ITGA8: variants seen among roughly 807,000 people sequenced by gnomAD.
ITGA8 encodes the protein integrin alpha-8.
In ITGA8, 91 loss-of-function variants were observed where a neutral mutation model predicts 142.3. The ratio of observed to expected loss-of-function variants is 0.64; its 90% CI spans 0.54 to 0.76. The LOEUF (loss-of-function observed/expected upper bound fraction) is 0.76, where lower values mean the gene tolerates loss of function less well. Ranked by LOEUF, ITGA8 falls within the 30% of genes least tolerant of loss-of-function variation. ITGA8 has a pLI of 0.00. For missense variants in ITGA8, 1,406 were observed against 1,327.7 expected (o/e 1.06, Z -0.92); for synonymous variants, 505 against 485.2 (o/e 1.04, Z -0.54).
chr10:15,605,457 G>A (rs534743668), intron 19 of ITGA8, among the ~76,000 whole-genome samples: 7 of 147,754 alleles, frequency 4.7e-5, no homozygotes, highest in Non-Finnish European at 1.0e-4. Flanking sequence ...CCCCATCAAT[G>A]AGTTTACTTT....
At chr10:15,613,950 CTAAT>C (rs1833348680) in intron 14 of ITGA8, among the ~76,000 whole-genome samples, 183 bp from the exon 15 acceptor site, 1 of 152,176 alleles carries the variant, frequency 6.6e-6, no homozygotes, top group Admixed American at 6.5e-5. Context: ...TCACACTCAA[CTAAT>C]TACCTCAAAA....
intron 28 of ITGA8, among the ~76,000 whole-genome samples, chr10:15,522,891 A>T (rs1833096423): frequency 6.6e-6 from 1 of 152,168 alleles, no homozygotes; most frequent in Non-Finnish European, 1.5e-5. Context: ...AGACACCTGT[A>T]GTCTCAGCCA....
intron 29 of ITGA8, among the ~76,000 whole-genome samples, chr10:15,518,269 G>T (rs1361857894): frequency 1.3e-5 from 2 of 152,178 alleles, no homozygotes; most frequent in Non-Finnish European, 2.9e-5. Context: ...TTGGCTTAGA[G>T]ACATTGAGTC....
At chr10:15,528,944 C>CCCTT (rs560848403) in intron 28 of ITGA8, among the ~76,000 whole-genome samples, 2 of 151,166 alleles carry the variant, frequency 1.3e-5, no homozygotes, top group Non-Finnish European at 3.0e-5. Flanking sequence ...TCTTTCTTCT[C>CCCTT]CCTTCCTTCC....
At position 15,696,439 on chromosome 10, in the gene ITGA8, T is replaced by TA. The variant is rs1286634841; in HGVS notation, c.344-8402dup. On this transcript the variant is annotated intron_variant, in intron 2 of 29. Coordinates refer to ENST00000378076, the MANE Select transcript of ITGA8 (RefSeq NM_003638.3). ...CAATGAGAAAAAGACTAAAATTCAATAGAAAAAAATTTCTAAGGATCCGAA... is the reference window on the plus strand; with the variant it reads ...CAATGAGAAAAAGACTAAAATTCAATAAGAAAAAAATTTCTAAGGATCCGAA... 2.0e-5 allele frequency among the ~76,000 whole-genome samples: 3 copies of TA among 152,048 alleles called. No homozygotes were observed. In the East Asian group the frequency reaches 5.8e-4, roughly 29 times the overall value.
intron 13 of ITGA8, among the ~76,000 whole-genome samples, chr10:15,620,904 T>A (rs1194580469): frequency 2.6e-5 from 4 of 152,252 alleles, no homozygotes; most frequent in Non-Finnish European, 5.9e-5. Flanking sequence ...TGTGAAATGA[T>A]ATTTAAATAA....
At chr10:15,531,173 T>A in intron 27 of ITGA8, 22 bp from the exon 28 acceptor site, 4 of 1,252,090 alleles carry the variant, frequency 3.2e-6, no homozygotes, top group Non-Finnish European at 4.4e-6. Flanking sequence ...AGTATTTATT[T>A]AAATATATTT....
chr10:15,629,423 C>T (rs1180247226), intron 13 of ITGA8, among the ~76,000 whole-genome samples: 3 of 152,018 alleles, frequency 2.0e-5, no homozygotes, highest in Admixed American at 2.0e-4. Context: ...CCCTCTGCCC[C>T]ATTTCATCTA....
At chr10:15,541,268 G>A (rs1396386351) in intron 27 of ITGA8, among the ~76,000 whole-genome samples, 1 of 152,148 alleles carries the variant, frequency 6.6e-6, no homozygotes, top group Non-Finnish European at 1.5e-5. Context: ...AGGCAACATA[G>A]GGTTGCTTGA....
intron 13 of ITGA8, among the ~76,000 whole-genome samples, chr10:15,618,139 C>G (rs1193637750): frequency 2.0e-5 from 3 of 152,244 alleles, no homozygotes; most frequent in Middle Eastern, 3.4e-3. Context: ...TGTTCAATAT[C>G]TGAGTGATGA....
intron 20 of ITGA8, among the ~76,000 whole-genome samples, chr10:15,598,060 A>G (rs1317691678): frequency 6.6e-6 from 1 of 150,446 alleles, no homozygotes; most frequent in Non-Finnish European, 1.5e-5. Flanking sequence ...CCCACCCCTC[A>G]CTCTCTACCC....
At chr10:15,587,164 G>T (rs1190112491) in intron 22 of ITGA8, among the ~76,000 whole-genome samples, 1 of 151,898 alleles carries the variant, frequency 6.6e-6, no homozygotes, top group Non-Finnish European at 1.5e-5. Flanking sequence ...CTCATGATCT[G>T]CCCACCTCAG....
chr10:15,624,385 G>A (rs988839467), intron 13 of ITGA8, among the ~76,000 whole-genome samples: 1 of 152,186 alleles, frequency 6.6e-6, no homozygotes, highest in African/African-American at 2.4e-5. Context: ...AGATGAGAAG[G>A]GCAAGAGCTC....
intron 13 of ITGA8, among the ~76,000 whole-genome samples, chr10:15,641,039 C>G (rs1043862414): frequency 6.6e-6 from 1 of 152,132 alleles, no homozygotes; most frequent in Non-Finnish European, 1.5e-5. Flanking sequence ...GGGAGGGTAG[C>G]TACACAGGGT....
chr10:15,649,905 A>G (rs906449002), intron 11 of ITGA8, among the ~76,000 whole-genome samples: 2 of 152,214 alleles, frequency 1.3e-5, no homozygotes, highest in African/African-American at 4.8e-5. Context: ...AATGCTAAAC[A>G]TAGGCTTACC....
chr10:15,678,324 A>G (rs1834670964), intron 5 of ITGA8, among the ~76,000 whole-genome samples: 1 of 152,190 alleles, frequency 6.6e-6, no homozygotes, highest in Non-Finnish European at 1.5e-5. Flanking sequence ...TTGAAAGGAT[A>G]TATGAATTTT....
At chr10:15,671,464 C>T in intron 8 of ITGA8, 139 bp downstream of exon 8, 1 of 599,994 alleles carries the variant, frequency 1.7e-6, no homozygotes, top group Non-Finnish European at 3.0e-6. Flanking sequence ...ATTTTTTCTA[C>T]AAAGTATAGG....
At chr10:15,585,318 G>A (rs766018734) in intron 23 of ITGA8, among the ~76,000 whole-genome samples, 1 of 152,118 alleles carries the variant, frequency 6.6e-6, no homozygotes, top group Non-Finnish European at 1.5e-5. Context: ...TCCTTGTGCC[G>A]CAATTCCCTC....
At chr10:15,645,165 G>A (rs1258480198) in intron 12 of ITGA8, among the ~76,000 whole-genome samples, 1 of 142,582 alleles carries the variant, frequency 7.0e-6, no homozygotes, top group Non-Finnish European at 1.5e-5. Flanking sequence ...ATATTGTCTT[G>A]TGTCAGGCGA....
Sources: gnomAD v4.1 joint callset for allele counts (sites outside exome capture counted in the v4.1 genomes callset) on GRCh38, gnomAD v4.1.1 for gene constraint, MANE v1.5 for transcripts, NCBI Gene and HGNC (gene_info 2026-07-23, HGNC 2026-07-21) for gene names.